IQCM: variants seen among roughly 807,000 people sequenced by gnomAD.
IQCM encodes IQ domain-containing protein M.
In IQCM, 45 loss-of-function variants were observed where a neutral mutation model predicts 57.6. The ratio of observed to expected loss-of-function variants is 0.78; its 90% CI spans 0.62 to 1.00. IQCM has a LOEUF of 1.00. Ranked by LOEUF, IQCM falls within the 50% of genes least tolerant of loss-of-function variation. IQCM has a pLI of 0.00. For missense variants in IQCM, 468 were observed against 511.6 expected (o/e 0.91, Z 0.82); for synonymous variants, 148 against 158.9 (o/e 0.93, Z 0.51).
chr4:149,481,701 G>GTTTTTTTTTTTTTTTTGTTTTTTTTTTTT (rs1740840692), intron 12 of IQCM, among the ~76,000 whole-genome samples: 1 of 51,550 alleles, frequency 1.9e-5, no homozygotes, highest in African/African-American at 7.6e-5. Context: ...TTCCAGTTTT[G>GTTTTTTTTTTTTTTTTGTTTTTTTTTTTT]TTTTTTTTTT....
chr4:149,636,759 A>G (rs1192363165), intron 7 of IQCM, among the ~76,000 whole-genome samples: 1 of 152,218 alleles, frequency 6.6e-6, no homozygotes, highest in Non-Finnish European at 1.5e-5. Context: ...AAAATTGGGG[A>G]GCAGGGAGTA....
At chr4:149,804,565 G>A (rs190283447) in intron 2 of IQCM, among the ~76,000 whole-genome samples, 10 of 152,168 alleles carry the variant, frequency 6.6e-5, no homozygotes, top group Non-Finnish European at 1.3e-4. Flanking sequence ...TTGTTGTGAA[G>A]ACAGAAGTGT....
chr4:149,752,947 T>G (rs1202941548), intron 2 of IQCM, among the ~76,000 whole-genome samples: 2 of 152,160 alleles, frequency 1.3e-5, no homozygotes, highest in African/African-American at 4.8e-5. Flanking sequence ...CAACACTGAC[T>G]CAGAAACAGG....
intron 7 of IQCM, among the ~76,000 whole-genome samples, chr4:149,678,542 CA>C (rs1761938846): frequency 6.6e-6 from 1 of 151,640 alleles, no homozygotes; most frequent in African/African-American, 2.4e-5. Flanking sequence ...GGAAGTTCTT[CA>C]ATCCAAAAGA....
intron 9 of IQCM, among the ~76,000 whole-genome samples, chr4:149,578,665 A>G (rs2149979096): frequency 6.6e-6 from 1 of 151,952 alleles, no homozygotes; most frequent in Non-Finnish European, 1.5e-5. Context: ...TCCCTAGAAT[A>G]GGGACTTTAG....
chr4:149,807,523 G>GT (rs1340749261), intron 2 of IQCM, among the ~76,000 whole-genome samples: 3 of 151,638 alleles, frequency 2.0e-5, no homozygotes, highest in Non-Finnish European at 4.4e-5. Context: ...TCTGGGCAAA[G>GT]TTTTTTTTGG....
intron 2 of IQCM, among the ~76,000 whole-genome samples, chr4:149,784,582 A>AT (rs1279724324): frequency 5.9e-5 from 9 of 151,994 alleles, no homozygotes; most frequent in Non-Finnish European, 1.0e-4. Context: ...CGCCTGGCTA[A>AT]TTTTTTGTAT....
intron 12 of IQCM, among the ~76,000 whole-genome samples, chr4:149,462,232 C>G (rs1274979353): frequency 6.6e-6 from 1 of 152,116 alleles, no homozygotes; most frequent in African/African-American, 2.4e-5. Context: ...ATCAATGTAG[C>G]GGATACCACC....
intron 13 of IQCM, among the ~76,000 whole-genome samples, chr4:149,358,665 A>G (rs1046213965): frequency 6.6e-6 from 1 of 152,104 alleles, no homozygotes; most frequent in Admixed American, 6.6e-5. Context: ...AATATATTTT[A>G]ACTTCATTAC....
chr4:149,452,135 A>G (rs185306006), intron 12 of IQCM, among the ~76,000 whole-genome samples: 2 of 151,874 alleles, frequency 1.3e-5, no homozygotes, highest in African/African-American at 4.8e-5. Flanking sequence ...TAAATCAAAT[A>G]AAAGATATGC....
Position 149,585,647 on chromosome 4 carries a change from A to C in IQCM, c.749+2283T>G, listed in dbSNP as rs866164392. Among the ~76,000 whole-genome samples the C allele has an allele frequency of 9.2e-5, 14 of 151,756 alleles. No homozygotes were observed. The South Asian group carries it at 2.9e-3, about 31-fold the overall frequency. Reference sequence around the variant, plus strand: ...TCACTAAAGCCACTCAAGTTTAATAATTTATTAAGTATAGTTTCAATTTAC... The same window carrying C: ...TCACTAAAGCCACTCAAGTTTAATACTTTATTAAGTATAGTTTCAATTTAC... On this transcript the variant is annotated intron_variant, in intron 9 of 13. Coordinates refer to ENST00000636793, the MANE Select transcript of IQCM (RefSeq NM_001363507.2).
At chr4:149,422,797 A>G (rs1734203382) in intron 13 of IQCM, among the ~76,000 whole-genome samples, 1 of 152,062 alleles carries the variant, frequency 6.6e-6, no homozygotes, top group South Asian at 2.1e-4. Context: ...TAAACATCAA[A>G]AGGAAGTTGG....
intron 13 of IQCM, among the ~76,000 whole-genome samples, chr4:149,359,691 T>C (rs1183366454): frequency 1.3e-5 from 2 of 152,200 alleles, no homozygotes; most frequent in Non-Finnish European, 2.9e-5. Flanking sequence ...TCCTATATTT[T>C]CTTTTAAATT....
At chr4:149,475,397 C>T (rs1290675830) in intron 12 of IQCM, among the ~76,000 whole-genome samples, 1 of 152,086 alleles carries the variant, frequency 6.6e-6, no homozygotes, top group Non-Finnish European at 1.5e-5. Flanking sequence ...ATCAGGAGTT[C>T]AGTTTGAATC....
At chr4:149,726,872 C>T (rs1233666384) in intron 5 of IQCM, among the ~76,000 whole-genome samples, 2 of 151,930 alleles carry the variant, frequency 1.3e-5, no homozygotes, top group East Asian at 1.9e-4. Context: ...CTGCAGCCTC[C>T]GCCTCCCAGG....
chr4:149,744,600 G>A (rs141711166), intron 2 of IQCM, among the ~76,000 whole-genome samples: 43 of 152,176 alleles, frequency 2.8e-4, no homozygotes, highest in African/African-American at 1.0e-3. Flanking sequence ...GCAAACTTGA[G>A]GTGATGAGGG....
At chr4:149,485,261 G>C (rs1741345416) in intron 12 of IQCM, among the ~76,000 whole-genome samples, 1 of 151,738 alleles carries the variant, frequency 6.6e-6, no homozygotes, top group African/African-American at 2.4e-5. Flanking sequence ...TCTAGGTTTG[G>C]GAAGTTCTCT....
rs547931612 is a variant in IQCM at position 149,490,974 on chromosome 4, C to A, written c.1229-57417G>T. Among the ~76,000 whole-genome samples the A allele has an allele frequency of 3.9e-5, 6 of 152,220 alleles. 1 individual carries two copies. The South Asian group carries it at 1.2e-3, about 32-fold the overall frequency. On this transcript the variant is annotated intron_variant, in intron 12 of 13. Coordinates refer to ENST00000636793, the MANE Select transcript of IQCM (RefSeq NM_001363507.2). ...AAGATTAGTTTGGATGTATCATTTC[C>A]TATGGGACTCGCCTGGCCTCTTATG...
chr4:149,411,991 A>G (rs1242587987), intron 13 of IQCM, among the ~76,000 whole-genome samples: 2 of 152,148 alleles, frequency 1.3e-5, no homozygotes, highest in Non-Finnish European at 2.9e-5. Context: ...TTAGATGGAT[A>G]TCATCATATA....
Sources: allele counts gnomAD v4.1 joint callset (sites outside exome capture counted in the v4.1 genomes callset), GRCh38; gene constraint gnomAD v4.1.1; transcripts MANE v1.5; gene names NCBI Gene and HGNC (gene_info 2026-07-23, HGNC 2026-07-21).